ACER3: variants seen among roughly 807,000 people sequenced by gnomAD.
ACER3 encodes alkaline ceramidase 3, also known as alkCDase 3.
A neutral mutation model predicts 48.9 loss-of-function variants in ACER3; 16 were observed. The observed-to-expected ratio is 0.33, with a 90% CI of 0.22 to 0.50. The LOEUF is 0.50. ACER3 is among the 20% of genes least tolerant of loss of function. The probability of loss-of-function intolerance (pLI) is 0.98; values close to 1 mark genes in which losing one functional copy is unlikely to be tolerated. For missense variants in ACER3, 227 were observed against 326.0 expected (o/e 0.70, Z 2.34); for synonymous variants, 109 against 107.8 (o/e 1.01, Z -0.07).
intron 1 of ACER3, among the ~76,000 whole-genome samples, chr11:76,888,010 G>T (rs1234634190): frequency 2.0e-5 from 3 of 152,010 alleles, no homozygotes; most frequent in East Asian, 1.9e-4. Context: ...TAGAGATGGG[G>T]TTTTGCCATG....
chr11:76,886,948 G>C (rs1945689150), intron 1 of ACER3, among the ~76,000 whole-genome samples: 1 of 152,194 alleles, frequency 6.6e-6, no homozygotes, highest in Non-Finnish European at 1.5e-5. Context: ...AAAGTGCTGG[G>C]ATTACAGGCG....
intron 4 of ACER3, among the ~76,000 whole-genome samples, chr11:76,982,057 T>G (rs895416658): frequency 1.3e-5 from 2 of 152,178 alleles, no homozygotes; most frequent in Non-Finnish European, 2.9e-5. Context: ...ATTATCAGTC[T>G]TTTTTATTTT....
intron 2 of ACER3, among the ~76,000 whole-genome samples, chr11:76,935,820 T>C (rs1169073804): frequency 6.6e-6 from 1 of 152,236 alleles, no homozygotes; most frequent in Non-Finnish European, 1.5e-5. Context: ...TCAGTTCCTT[T>C]GTCACACTAG....
rs1949548222 is a variant in ACER3, at chr11:77,026,248, A to G, written c.*5921A>G. ...TGGTAGTTGTCAAGCTGTGGTAGTC[A>G]TGTACACTTTTTTTCTTTTTTTTAA... On this transcript the variant is annotated 3_prime_UTR_variant, in exon 11 of 11. Coordinates refer to ENST00000532485, the MANE Select transcript of ACER3 (RefSeq NM_018367.7). 9.4e-6 allele frequency: 1 copy of G among 106,472 alleles called. No individual in the cohort carries two copies. Among genetic ancestry groups the G allele is most frequent in the African/African-American group, 3.6e-5 (1 of 27,782 alleles). The allele number at this position is 106,472 out of a possible 1,614,324, so 6.6% of individuals were successfully genotyped here.
At chr11:76,877,919 C>T (rs1169911939) in intron 1 of ACER3, among the ~76,000 whole-genome samples, 1 of 122,794 alleles carries the variant, frequency 8.1e-6, no homozygotes, top group Non-Finnish European at 1.9e-5. Flanking sequence ...GTACATTCTT[C>T]CACAGCTTGC....
At chr11:76,962,026 CTTTAT>C (rs1270737394) in intron 3 of ACER3, among the ~76,000 whole-genome samples, 2 of 149,878 alleles carry the variant, frequency 1.3e-5, no homozygotes, top group Non-Finnish European at 2.9e-5. Context: ...TGTCAAATAT[CTTTAT>C]TTTATTATTT....
chr11:76,900,607 G>A (rs1490892590), intron 1 of ACER3, among the ~76,000 whole-genome samples: 1 of 152,044 alleles, frequency 6.6e-6, no homozygotes, highest in Non-Finnish European at 1.5e-5. Flanking sequence ...ATTGCTTGAG[G>A]CCAGAAGTTT....
chr11:76,935,393 A>G lies in ACER3; in HGVS notation c.214+8726A>G, dbSNP rs192816718. On this transcript the variant is annotated intron_variant, in intron 2 of 10. Coordinates refer to ENST00000532485, the MANE Select transcript of ACER3 (RefSeq NM_018367.7). ...TTTAATATGTATATTGAAAGGTCCAATTTTGCCTGGTAAACTGATTTAGAA... is the reference window on the plus strand; with the variant it reads ...TTTAATATGTATATTGAAAGGTCCAGTTTTGCCTGGTAAACTGATTTAGAA... 2.8e-3 allele frequency among the ~76,000 whole-genome samples: 429 copies of G among 152,312 alleles called. 2 individuals carry two copies. Among genetic ancestry groups the G allele is most frequent in the South Asian group, 9.3e-3 (45 of 4,828 alleles).
chr11:76,950,548 A>G (rs1947635869), intron 2 of ACER3, among the ~76,000 whole-genome samples: 1 of 150,968 alleles, frequency 6.6e-6, no homozygotes, highest in South Asian at 2.1e-4. Context: ...TGCAGCCTCA[A>G]TCTCCTAGGT....
At chr11:76,901,519 C>T (rs559314836) in intron 1 of ACER3, among the ~76,000 whole-genome samples, 170 of 152,102 alleles carry the variant, frequency 1.1e-3, no homozygotes, top group Admixed American at 1.9e-3. Flanking sequence ...TGTAGCAGGA[C>T]GAGCCACAGA....
In ACER3 at chr11:76,861,110, CGA is replaced by C. The variant is rs140291246; in HGVS notation, c.103+35_103+36del. 2.0e-4 allele frequency: 303 copies of C among 1,522,868 alleles called. 1 individual carries two copies. The African/African-American group carries it at 3.9e-3, about 20-fold the overall frequency. 94.3% of individuals were successfully genotyped at this position (1,522,868 alleles called of 1,614,324 possible). Reference sequence around the variant, plus strand: ...TGTGGCCTGAGGAGGGGAGTGGGGGCGAGAGGGCACCGGGCTGAGGAGACGCC... The same window carrying C: ...TGTGGCCTGAGGAGGGGAGTGGGGGCGAGGGCACCGGGCTGAGGAGACGCC... On this transcript the variant is annotated intron_variant, in intron 1 of 10. Transcript: ENST00000532485.
At position 76,926,545 on chromosome 11, in the gene ACER3, T is replaced by C. The variant is rs370467046; in HGVS notation, c.104-12T>C. On this transcript the variant is annotated splice_polypyrimidine_tract_variant and intron_variant, in intron 1 of 10. Transcript: ENST00000532485. ...ATTAACCTAAATGTCTTCTTATATT[T>C]TTCTCTTAAAGGGAATACAGTGAGT... is the stretch of plus-strand genomic sequence containing the variant. The C allele has an allele frequency of 7.2e-6, 11 of 1,527,164 alleles. No individual in the cohort carries two copies. Among genetic ancestry groups the C allele is most frequent in the Non-Finnish European group, 9.9e-6 (11 of 1,105,592 alleles). 94.6% of individuals were successfully genotyped at this position (1,527,164 alleles called of 1,614,324 possible). A position where few individuals can be genotyped will look rare whatever the true frequency, so the allele number is the denominator to read the frequency against.
chr11:76,956,733 A>G (rs1238764944), intron 2 of ACER3, among the ~76,000 whole-genome samples: 1 of 148,260 alleles, frequency 6.7e-6, no homozygotes, highest in African/African-American at 2.5e-5. Flanking sequence ...GTGACTTTAA[A>G]TAACTTAAAG....
chr11:76,957,028 C>G (rs1200776977), intron 2 of ACER3, among the ~76,000 whole-genome samples: 1 of 152,126 alleles, frequency 6.6e-6, no homozygotes, highest in African/African-American at 2.4e-5. Flanking sequence ...TCCTATGTAT[C>G]CTTAAGTTTA....
At chr11:76,936,580 G>A (rs4944129) in intron 2 of ACER3, among the ~76,000 whole-genome samples, 86,802 of 151,894 alleles carry the variant, frequency 0.57, 27,986 homozygotes, top group Non-Finnish European at 0.74. Flanking sequence ...TAACATTTAC[G>A]TTGTATTAAA....
chr11:76,890,992 G>A (rs1349940253), intron 1 of ACER3, among the ~76,000 whole-genome samples: 1 of 151,844 alleles, frequency 6.6e-6, no homozygotes, highest in African/African-American at 2.4e-5. Flanking sequence ...GGTGGCACGT[G>A]CCTGTAGTTT....
intron 1 of ACER3, among the ~76,000 whole-genome samples, chr11:76,877,502 A>T (rs780833825): frequency 2.4e-4 from 37 of 152,022 alleles, no homozygotes; most frequent in Non-Finnish European, 5.0e-4. Flanking sequence ...CCTTCTGAGT[A>T]GCAATTTTTC....
Position 77,025,412 on chromosome 11 carries a change from T to TATATATATATATATA in ACER3, c.*5085_*5086insATATATATATATATA, listed in dbSNP as rs575045221. ...ATTCTTTATATATATATATATATAT[T>TATATATATATATATA]TATTTATTTTTTTGAGACAGAGTCT... On this transcript the variant is annotated 3_prime_UTR_variant, in exon 11 of 11. Transcript: ENST00000532485. The TATATATATATATATA allele has an allele frequency of 9.0e-4, 62 of 69,226 alleles. 1 individual carries two copies. Among genetic ancestry groups the TATATATATATATATA allele is most frequent in the African/African-American group, 2.4e-3 (57 of 23,452 alleles). The allele number at this position is 69,226 out of a possible 1,614,324, so 4.3% of individuals were successfully genotyped here.
At chr11:76,863,220 A>G (rs1944986185) in intron 1 of ACER3, among the ~76,000 whole-genome samples, 1 of 152,128 alleles carries the variant, frequency 6.6e-6, no homozygotes, top group African/African-American at 2.4e-5. Context: ...GTTAGACCCT[A>G]TTTCTACAAA....
Sources: allele counts gnomAD v4.1 joint callset (sites outside exome capture counted in the v4.1 genomes callset), GRCh38; gene constraint gnomAD v4.1.1; transcripts MANE v1.5; gene names NCBI Gene and HGNC (gene_info 2026-07-23, HGNC 2026-07-21).